Variants in EVI5L observed in about 807,000 individuals in gnomAD.
EVI5L encodes the protein EVI5-like protein.
In EVI5L, 30 loss-of-function variants were observed where a neutral mutation model predicts 106.1. That is an observed-to-expected ratio of 0.28 (90% CI 0.21 to 0.38). EVI5L has a LOEUF of 0.38. EVI5L is among the 10% of genes least tolerant of loss of function. EVI5L has a pLI of 1.00. For missense variants in EVI5L, 809 were observed against 1,098.0 expected (o/e 0.74, Z 3.72); for synonymous variants, 489 against 483.3 (o/e 1.01, Z -0.15).
intron 1 of EVI5L, among the ~76,000 whole-genome samples, chr19:7,834,298 T>C (rs974601228): frequency 6.6e-6 from 1 of 152,182 alleles, no homozygotes; most frequent in Non-Finnish European, 1.5e-5. Context: ...CATGCCAGCC[T>C]GGGCAACAGA....
rs1319363441 is a variant in EVI5L at position 7,862,232 on chromosome 19, C to T, written c.1755C>T (p.Ala585=). Residue 585 remains alanine, a synonymous_variant, in exon 16 of 20, where the codon GCC becomes GCT. Transcript: ENST00000538904. The part of the protein sequence containing the change: ...SVRLREAQAL[A]EGRELRQRVV... ...GTCTGCGCGAGGCCCAGGCCCTGGCCGAGGGCCGCGAGCTGCGGCAGCGCG... is the reference window on the plus strand; with the variant it reads ...GTCTGCGCGAGGCCCAGGCCCTGGCTGAGGGCCGCGAGCTGCGGCAGCGCG... 3.2e-6 allele frequency: 5 copies of T among 1,571,982 alleles called. No individual in the cohort carries two copies. The highest frequency in any genetic ancestry group is 3.3e-4 in the Middle Eastern group (2 of 6,034).
chr19:7,838,042 T>A (rs1185050929), intron 1 of EVI5L, among the ~76,000 whole-genome samples: 2 of 151,378 alleles, frequency 1.3e-5, no homozygotes, highest in African/African-American at 4.9e-5. Flanking sequence ...AGGTGTTGTG[T>A]AGAATGTCCT....
intron 1 of EVI5L, among the ~76,000 whole-genome samples, chr19:7,840,844 A>G (rs1394377029): frequency 6.6e-6 from 1 of 151,698 alleles, no homozygotes; most frequent in Non-Finnish European, 1.5e-5. Flanking sequence ...TGGGTGGACC[A>G]TGTTTTGTTG....
chr19:7,852,322 G>A (rs558385084), intron 8 of EVI5L, among the ~76,000 whole-genome samples: 1 of 152,348 alleles, frequency 6.6e-6, no homozygotes, highest in South Asian at 2.1e-4. Context: ...AAAGGCCACG[G>A]TTGTGTCCGT....
Position 7,863,938 on chromosome 19 carries a change from C to A in EVI5L, c.*236C>A. ...TGTTTACCCATCTTGGTCTGTACCC[C>A]TCCGGGCCCTCTGGCGTTCCAGGGG... On this transcript the variant is annotated 3_prime_UTR_variant, in exon 20 of 20. Coordinates refer to ENST00000538904, the MANE Select transcript of EVI5L (RefSeq NM_001159944.3). The surrounding 1 kb of genome is among the most constrained non-coding windows in gnomAD (Gnocchi z 7.7). 2.0e-6 allele frequency: 1 copy of A among 509,156 alleles called. No homozygotes were observed. Among genetic ancestry groups the A allele is most frequent in the Non-Finnish European group, 3.3e-6 (1 of 303,828 alleles). The allele number at this position is 509,156 out of a possible 1,614,324, so 31.5% of individuals were successfully genotyped here.
Position 7,848,832 on chromosome 19 carries a change from T to G in EVI5L, c.328-89T>G. On this transcript the variant is annotated intron_variant, in intron 3 of 19. Transcript: ENST00000538904. The surrounding 1 kb of genome is among the most constrained non-coding windows in gnomAD (Gnocchi z 4.8). ...TTCTGTGCCATGCTTGAGGCCTGGA[T>G]GAGCCACGCCTGAGGAGCTGGGCTG... The G allele has an allele frequency of 4.9e-5, 63 of 1,273,756 alleles. No homozygotes were observed. The highest frequency in any genetic ancestry group is 6.4e-5 in the Non-Finnish European group (58 of 909,612). The allele number at this position is 1,273,756 out of a possible 1,614,324, so 78.9% of individuals were successfully genotyped here.
At chr19:7,860,731 G>T in intron 14 of EVI5L, 42 bp downstream of exon 14, 1 of 1,533,678 alleles carries the variant, frequency 6.5e-7, no homozygotes. Flanking sequence ...GGGGGACCCT[G>T]GGGCACAGGA....
In EVI5L at chr19:7,857,299, C is replaced by T; in HGVS notation, c.1233+175C>T. 1 of 804,652 alleles carries T rather than the reference C, an allele frequency of 1.2e-6. No individual in the cohort carries two copies. The highest frequency in any genetic ancestry group is 2.0e-6 in the Non-Finnish European group (1 of 491,936). The allele number at this position is 804,652 out of a possible 1,614,324, so 49.8% of individuals were successfully genotyped here. A position where few individuals can be genotyped will look rare whatever the true frequency, so the allele number is the denominator to read the frequency against. On this transcript the variant is annotated intron_variant, in intron 12 of 19. Coordinates refer to ENST00000538904, the MANE Select transcript of EVI5L (RefSeq NM_001159944.3). The surrounding 1 kb of genome is among the most constrained non-coding windows in gnomAD (Gnocchi z 4.5). ...ACAGAGGCTTCCCGGGGGGGCGGGG[C>T]ATGTGAAGTGGGGAGAAGGGTGTGT... is the stretch of plus-strand genomic sequence containing the variant.
rs1568240934 is a variant in EVI5L, at chr19:7,853,362, AG to A, written c.1146+32del. On this transcript the variant is annotated intron_variant, in intron 10 of 19. Transcript: ENST00000538904. ...AGTCCAGGGGCCCAGGGGCGGGGAC[AG>A]GGATGGGAGGCCTTTGGGGGCTGCC... is the stretch of plus-strand genomic sequence containing the variant. 1.9e-6 allele frequency: 3 copies of A among 1,594,666 alleles called. No individual in the cohort carries two copies. In the South Asian group the frequency reaches 3.4e-5, roughly 18 times the overall value.
chr19:7,842,303 CGTGT>C (rs904012192), intron 1 of EVI5L, among the ~76,000 whole-genome samples: 21 of 119,288 alleles, frequency 1.8e-4, no homozygotes, highest in Admixed American at 1.1e-3. Flanking sequence ...CCAGTGTGTG[CGTGT>C]GTGAGAATGT....
intron 10 of EVI5L, 24 bp from the exon 11 acceptor site, chr19:7,855,991 C>T (rs373987506): frequency 5.1e-5 from 68 of 1,323,926 alleles, no homozygotes; most frequent in South Asian, 8.4e-5. Flanking sequence ...CGGGCTATGA[C>T]GTGATCTCCC....
rs149098725 is a variant in EVI5L at position 7,857,782 on chromosome 19, G to GC, written c.1234-406dup. On this transcript the variant is annotated intron_variant, in intron 12 of 19. Transcript: ENST00000538904. The surrounding 1 kb of genome is among the most constrained non-coding windows in gnomAD (Gnocchi z 4.5). ...GAAGATGCCGCTGGGAGAGGTGAAT[G>GC]CCCTGGGGAGCCCAGCCCTCTCCTG... The GC allele has an allele frequency of 0.25, 50,115 of 196,986 alleles. 6,871 individuals are homozygous for GC. The highest frequency in any genetic ancestry group is 0.33 in the South Asian group (3,336 of 10,196). The allele number at this position is 196,986 out of a possible 1,614,324, so 12.2% of individuals were successfully genotyped here.
chr19:7,856,444 C>T lies in EVI5L; in HGVS notation c.1200+376C>T, dbSNP rs989160923. Among the ~76,000 whole-genome samples, 1 of 152,086 alleles carries T rather than the reference C, an allele frequency of 6.6e-6. No homozygotes were observed. Among genetic ancestry groups the T allele is most frequent in the African/African-American group, 2.4e-5 (1 of 41,408 alleles). On this transcript the variant is annotated intron_variant, in intron 11 of 19. Coordinates refer to ENST00000538904, the MANE Select transcript of EVI5L (RefSeq NM_001159944.3). This position sits in a 1 kb window ranked among gnomAD's most constrained non-coding sequence, Gnocchi z 6.6. ...CCACCCCACCCTGTAATTTGGAAGTCTTGCCCTCAAAAGAAAGGAAAGGAA... is the reference window on the plus strand; with the variant it reads ...CCACCCCACCCTGTAATTTGGAAGTTTTGCCCTCAAAAGAAAGGAAAGGAA...
Position 7,858,324 on chromosome 19 carries a change from A to T in EVI5L, c.1367A>T (p.Glu456Val). The T allele has an allele frequency of 6.5e-7, 1 of 1,546,258 alleles. No homozygotes were observed. The highest frequency in any genetic ancestry group is 1.2e-5 in the South Asian group (1 of 83,960). ...CAGAGCACCATCCGGCAGCTACAGG[A>T]GCAGCAGGTAGGGGCGGGTGTGCGG... ...KAQSTIRQLQ[E>V]QQENPRLTED... The change falls in exon 13 of 20, where the codon GAG (glutamate) becomes GTG (valine). Residue 456 changes from glutamate (E) to valine (V), a missense_variant. Around this residue, in one of 2 missense-constraint regions of EVI5L, gnomAD observed 452 missense variants for 509.9 expected, o/e 0.89. Transcript: ENST00000538904. The surrounding 1 kb of genome is among the most constrained non-coding windows in gnomAD (Gnocchi z 5.7).
intron 8 of EVI5L, among the ~76,000 whole-genome samples, chr19:7,852,383 G>C (rs1352426034): frequency 3.3e-5 from 5 of 152,204 alleles, no homozygotes; most frequent in Non-Finnish European, 7.3e-5. Context: ...AGCTGGGCCG[G>C]GTGCAGGAGC....
rs551236554 is a variant in EVI5L at position 7,842,163 on chromosome 19, CTGTG to C, written c.-47-4326_-47-4323del. Among the ~76,000 whole-genome samples, 13 of 151,166 alleles carry C rather than the reference CTGTG, an allele frequency of 8.6e-5. No homozygotes were observed. The South Asian group carries it at 2.7e-3, about 32-fold the overall frequency. On this transcript the variant is annotated intron_variant, in intron 1 of 19. Transcript: ENST00000538904. ...CATGTGCATGTGTATGAGGTGTGTA[CTGTG>C]TGTGTGAATGTGCATGGGTGTGTGT...
At chr19:7,844,246 C>T (rs547065139) in intron 1 of EVI5L, among the ~76,000 whole-genome samples, 14 of 150,492 alleles carry the variant, frequency 9.3e-5, no homozygotes, top group Admixed American at 7.3e-4. Flanking sequence ...GCAGGAGAAT[C>T]GCGTGAACCC....
chr19:7,861,794 A>G, intron 14 of EVI5L, 84 bp from the exon 15 acceptor site: 3 of 1,514,092 alleles, frequency 2.0e-6, no homozygotes, highest in Non-Finnish European at 2.7e-6. Context: ...GCTCAGGAGG[A>G]AACGTGGCTG....
Position 7,846,698 on chromosome 19 carries a change from G to T in EVI5L, c.137+19G>T. ...AGAACCGGTGAGTTGGGGGCTGGGG[G>T]ATGGGGTGAAATCTTGGGGTGCAGT... On this transcript the variant is annotated intron_variant, in intron 2 of 19. Transcript: ENST00000538904. 1.2e-6 allele frequency: 2 copies of T among 1,608,128 alleles called. No individual in the cohort carries two copies. The highest frequency in any genetic ancestry group is 1.7e-6 in the Non-Finnish European group (2 of 1,177,740).
Sources: allele counts gnomAD v4.1 joint callset (sites outside exome capture counted in the v4.1 genomes callset), GRCh38; gene constraint gnomAD v4.1.1; regional missense constraint gnomAD v4.1.1; non-coding constraint Gnocchi (gnomAD v3.1); transcripts MANE v1.5; gene names NCBI Gene and HGNC (gene_info 2026-07-23, HGNC 2026-07-21).